The following MTERF4 variants were observed in gnomAD, a reference collection of about 807,000 sequenced individuals.
MTERF4 encodes mitochondrial transcription termination factor 4.
MTERF4 carries 17 observed loss-of-function variants against 22.5 expected under a neutral mutation model. The observed-to-expected ratio is 0.75, with a 90% CI of 0.52 to 1.13. MTERF4 has a LOEUF of 1.13. MTERF4 is among the 50% of genes most tolerant of loss of function. The pLI, the probability that MTERF4 is intolerant of heterozygous loss-of-function variation, is 0.00. For missense variants in MTERF4, 420 were observed against 466.8 expected (o/e 0.90, Z 0.92); for synonymous variants, 165 against 175.3 (o/e 0.94, Z 0.47).
chr2:241,073,977 G>A lies in MTERF4; in HGVS notation n.2185C>T, dbSNP rs1169324656. The A allele has an allele frequency of 1.3e-5, 2 of 154,196 alleles. No homozygotes were observed. The highest frequency in any genetic ancestry group is 2.9e-5 in the Non-Finnish European group (2 of 69,392). 9.6% of individuals were successfully genotyped at this position (154,196 alleles called of 1,614,324 possible). On this transcript the variant is annotated non_coding_transcript_exon_variant, in exon 5 of 5. Coordinates refer to the MTERF4 transcript ENST00000464344. The surrounding 1 kb of genome is among the most constrained non-coding windows in gnomAD (Gnocchi z 6.6). ...CCCTTCGGGCAGCACCAATACATGT[G>A]TGTTCCTCACCCTGAGTCAGACTCT...
chr2:241,048,274 A>G, the MTERF4 span: 1 of 1,554,222 alleles, frequency 6.4e-7, no homozygotes, highest in Non-Finnish European at 8.7e-7. Flanking sequence ...CTCTCCCCAC[A>G]TTCCCTGCGT....
chr2:241,082,333 C>G (rs769057122), downstream of MTERF4: 11 of 1,613,528 alleles, frequency 6.8e-6, no homozygotes, highest in Admixed American at 1.7e-5. Flanking sequence ...AAAGGCCTTT[C>G]CAGTCTGGGA....
Position 241,075,860 on chromosome 2 carries a change from T to G in MTERF4, n.480-178A>C, listed in dbSNP as rs977993854. 2.6e-5 allele frequency among the ~76,000 whole-genome samples: 4 copies of G among 152,172 alleles called. No individual in the cohort carries two copies. ...TAGGTCATTAATCTGTTAGACTGTG[T>G]GTGTGTGAGAAGTTGGGCTACAATT... is the stretch of plus-strand genomic sequence containing the variant. On this transcript the variant is annotated intron_variant and non_coding_transcript_variant, in intron 4 of 4. Coordinates refer to the MTERF4 transcript ENST00000464344. The surrounding 1 kb of genome is among the most constrained non-coding windows in gnomAD (Gnocchi z 4.8).
At chr2:241,084,139 T>C (rs893824143), downstream of MTERF4, among the ~76,000 whole-genome samples, 3 of 150,196 alleles carry the variant, frequency 2.0e-5, no homozygotes, top group Non-Finnish European at 4.4e-5. Flanking sequence ...CTAGGATTTT[T>C]TTTTTTTTTT....
chr2:241,057,383 ATATATAT>A, the MTERF4 span, among the ~76,000 whole-genome samples: 5 of 39,512 alleles, frequency 1.3e-4, no homozygotes, highest in Non-Finnish European at 5.4e-5. Flanking sequence ...ATCTCAAAAT[ATATATAT>A]ATATATATAT....
At chr2:241,053,075 G>A in the MTERF4 span, 89 of 1,406,634 alleles carry the variant, frequency 6.3e-5, 1 homozygote, top group Middle Eastern at 4.7e-4. Context: ...CCCTGCAGTC[G>A]GGTCGGGCAG....
downstream of MTERF4, chr2:241,089,930 C>T (rs75470013): frequency 9.0e-5 from 139 of 1,537,112 alleles, no homozygotes; most frequent in Non-Finnish European, 1.1e-4. Flanking sequence ...TGTATCTAAA[C>T]GTAGAAAACC....
chr2:241,051,934 C>T, the MTERF4 span: 2 of 1,473,116 alleles, frequency 1.4e-6, no homozygotes, highest in South Asian at 1.2e-5. This position sits in a 1 kb window ranked among gnomAD's most constrained non-coding sequence, Gnocchi z 4.7. Flanking sequence ...GATGCACCCT[C>T]CCTGCCAGCT....
chr2:241,068,869 C>A, downstream of MTERF4: 1 of 1,373,552 alleles, frequency 7.3e-7, no homozygotes, highest in Non-Finnish European at 1.0e-6. The surrounding 1 kb of genome is among the most constrained non-coding windows in gnomAD (Gnocchi z 5.3). Flanking sequence ...ACACACAGGT[C>A]CCAGACATCC....
At chr2:241,098,110 CTT>C (rs2064538868) in intron 2 of MTERF4, among the ~76,000 whole-genome samples, 1 of 152,212 alleles carries the variant, frequency 6.6e-6, no homozygotes, top group Non-Finnish European at 1.5e-5. Flanking sequence ...TAATGGGAAA[CTT>C]AAAGTCAACT....
Position 241,073,628 on chromosome 2 carries a change from G to A in MTERF4, n.2534C>T, listed in dbSNP as rs2062858644. The A allele has an allele frequency of 3.9e-6, 2 of 518,092 alleles. No individual in the cohort carries two copies. The highest frequency in any genetic ancestry group is 3.0e-5 in the East Asian group (1 of 33,094). The allele number at this position is 518,092 out of a possible 1,614,324, so 32.1% of individuals were successfully genotyped here. ...AGTCTGAGCTAGAGAGACTGGCTTT[G>A]ATGCTGCCTCCCCTCCCCTCTCCTC... On this transcript the variant is annotated non_coding_transcript_exon_variant, in exon 5 of 5. Coordinates refer to the MTERF4 transcript ENST00000464344. This position sits in a 1 kb window ranked among gnomAD's most constrained non-coding sequence, Gnocchi z 6.6.
chr2:241,084,263 A>T (rs1466445787), downstream of MTERF4, among the ~76,000 whole-genome samples: 1 of 150,814 alleles, frequency 6.6e-6, no homozygotes, highest in Non-Finnish European at 1.5e-5. Flanking sequence ...CAGCCCCCCG[A>T]GTAGCTGGGA....
At chr2:241,081,550 G>A (rs1027911382) in intron 4 of MTERF4, 10 of 698,888 alleles carry the variant, frequency 1.4e-5, no homozygotes, top group Admixed American at 2.2e-5. Flanking sequence ...GGAGGCCACC[G>A]CAGCACACCA....
chr2:241,096,505 A>G lies in MTERF4; in HGVS notation c.706-67T>C, dbSNP rs2064433842. The stretch of plus-strand genomic sequence containing the variant: ...ATTGAAACCTATCATTCTATAAACC[A>G]TAAAAACTTAAGTTGTACAAAAGGA... On this transcript the variant is annotated intron_variant, in intron 3 of 3. Coordinates refer to ENST00000391980, the MANE Select transcript of MTERF4 (RefSeq NM_182501.4). The surrounding 1 kb of genome is among the most constrained non-coding windows in gnomAD (Gnocchi z 5.1). 2.1e-5 allele frequency: 33 copies of G among 1,557,156 alleles called. No individual in the cohort carries two copies. In the South Asian group the frequency reaches 3.4e-4, roughly 16 times the overall value.
intron 1 of MTERF4, among the ~76,000 whole-genome samples, chr2:241,100,331 T>C (rs2064645359): frequency 6.6e-6 from 1 of 152,228 alleles, no homozygotes; most frequent in Non-Finnish European, 1.5e-5. Flanking sequence ...GATCCACTTA[T>C]ATGTGGATTT....
the MTERF4 span, among the ~76,000 whole-genome samples, chr2:241,059,628 CT>C: frequency 4.6e-5 from 7 of 151,302 alleles, no homozygotes; most frequent in Non-Finnish European, 1.0e-4. Flanking sequence ...GTTGGTCTAA[CT>C]TTTAATGTCA....
chr2:241,087,651 G>C, downstream of MTERF4: 1 of 1,411,568 alleles, frequency 7.1e-7, no homozygotes. Flanking sequence ...GTCCATATAT[G>C]TGCATGTGAG....
Position 241,099,469 on chromosome 2 carries a change from G to A in MTERF4, c.447C>T (p.Pro149=), listed in dbSNP as rs753874389. 2 of 1,614,174 alleles carry A rather than the reference G, an allele frequency of 1.2e-6. No individual in the cohort carries two copies. The highest frequency in any genetic ancestry group is 1.6e-4 in the Middle Eastern group (1 of 6,062). The change falls in exon 2 of 4, where the codon CCC becomes CCT. Residue 149 remains proline, a synonymous_variant. Coordinates refer to ENST00000391980, the MANE Select transcript of MTERF4 (RefSeq NM_182501.4). The part of the protein sequence containing the change: ...EPVCVVLKKS[P]QLLKLPIMQM... Reference sequence around the variant, plus strand: ...GCATAATAGGCAGTTTCAATAACTGGGGACTTTTCTTCAAGACCACACACA... The same window carrying A: ...GCATAATAGGCAGTTTCAATAACTGAGGACTTTTCTTCAAGACCACACACA...
the MTERF4 span, chr2:241,052,367 G>A: frequency 2.5e-6 from 4 of 1,575,676 alleles, no homozygotes; most frequent in Non-Finnish European, 2.6e-6. Context: ...CCCTCCCCCT[G>A]CTTCCGGAGC....
Sources: gnomAD v4.1 joint callset for allele counts (sites outside exome capture counted in the v4.1 genomes callset) on GRCh38, gnomAD v4.1.1 for gene constraint, Gnocchi (gnomAD v3.1) non-coding constraint, MANE v1.5 for transcripts, NCBI Gene and HGNC (gene_info 2026-07-23, HGNC 2026-07-21) for gene names.